OSBPL7: variants seen among roughly 807,000 people sequenced by gnomAD.
OSBPL7 encodes oxysterol-binding protein-related protein 7.
Under a neutral mutation model 115.8 loss-of-function variants are expected in OSBPL7, and 66 were observed. That is an observed-to-expected ratio of 0.57 (90% CI 0.47 to 0.70). OSBPL7 has a LOEUF of 0.70. Among genes scored for constraint, OSBPL7 ranks in the 30% least tolerant of loss-of-function variants. The pLI is 0.00. For synonymous variants in OSBPL7, 441 were observed against 439.2 expected (o/e 1.00, Z -0.05); for missense variants, 902 against 1,125.5 (o/e 0.80, Z 2.84).
At position 47,809,181 on chromosome 17, in the gene OSBPL7, C is replaced by T. The variant is rs759685275; in HGVS notation, c.2065G>A (p.Ala689Thr). 9.9e-6 allele frequency: 16 copies of T among 1,614,036 alleles called. No individual in the cohort carries two copies. Among genetic ancestry groups the T allele is most frequent in the Middle Eastern group, 1.6e-4 (1 of 6,084 alleles). Residue 689 changes from alanine to threonine, a missense_variant, in exon 20 of 23, where the codon GCT (alanine) becomes ACT (threonine). Physicochemically the swap from Ala to Thr is moderately conservative, Grantham distance 58. Around this residue, in one of 3 missense-constraint regions of OSBPL7, gnomAD observed 230 missense variants for 312.7 expected, o/e 0.74. Coordinates refer to ENST00000007414, the MANE Select transcript of OSBPL7 (RefSeq NM_145798.3). Reference protein sequence around the residue: ...WSSNVHEVQGAVLSRSGRVLH... With the variant: ...WSSNVHEVQGTVLSRSGRVLH... ...ACACGGCCACTCCGACTGAGCACAG[C>T]GCCCTGCACCTCGTGGACATTGGAA...
rs142847236 is a variant in OSBPL7, at chr17:47,809,406, G to A, written c.1953C>T (p.Ile651=). The change falls in exon 19 of 23, where the codon ATC becomes ATT. Residue 651 remains isoleucine (I), a synonymous_variant. Transcript: ENST00000007414. ...GGATGAGCACCTCCCCATAGTGCTC[G>A]ATCCAGCGCTGACCACTCAGGACAT... is the stretch of plus-strand genomic sequence containing the variant. The part of the protein sequence containing the change: ...IHNVLSGQRW[I]EHYGEVLIRN... 4.0e-4 allele frequency: 639 copies of A among 1,614,038 alleles called. No homozygotes were observed. The highest frequency in any genetic ancestry group is 5.2e-4 in the Non-Finnish European group (608 of 1,180,010).
At position 47,809,492 on chromosome 17, in the gene OSBPL7, G is replaced by A. The variant is rs368108894; in HGVS notation, c.1881-14C>T. 6.2e-7 allele frequency: 1 copy of A among 1,604,200 alleles called. No homozygotes were observed. Among genetic ancestry groups the A allele is most frequent in the Non-Finnish European group, 8.5e-7 (1 of 1,171,946 alleles). The stretch of plus-strand genomic sequence containing the variant: ...TGGTCCCCAAACCTGAGAAAGACAA[G>A]GTATGGAAGGGCAGCTGGCTGGCCC... On this transcript the variant is annotated splice_polypyrimidine_tract_variant and intron_variant, in intron 18 of 22. Coordinates refer to ENST00000007414, the MANE Select transcript of OSBPL7 (RefSeq NM_145798.3).
In OSBPL7 at chr17:47,809,006, G is replaced by C. The variant is rs777477246; in HGVS notation, c.2171-16C>G. The C allele has an allele frequency of 1.2e-6, 2 of 1,613,958 alleles. No individual in the cohort carries two copies. The highest frequency in any genetic ancestry group is 2.2e-5 in the East Asian group (1 of 44,886). On this transcript the variant is annotated splice_polypyrimidine_tract_variant and intron_variant, in intron 20 of 22. Transcript: ENST00000007414. The stretch of plus-strand genomic sequence containing the variant: ...GGCATTGAGTCTGGGGGAAGGCAAG[G>C]GGCTGGGGCAGGTGCACCATGCCTG...
Position 47,810,815 on chromosome 17 carries a change from G to C in OSBPL7, c.1758C>G (p.Ile586Met). 6.2e-7 allele frequency: 1 copy of C among 1,613,898 alleles called. No homozygotes were observed. Among genetic ancestry groups the C allele is most frequent in the Non-Finnish European group, 8.5e-7 (1 of 1,179,970 alleles). The change falls in exon 17 of 23, where the codon ATC (isoleucine) becomes ATG (methionine). Residue 586 changes from isoleucine (I) to methionine (M), a missense_variant. Transcript: ENST00000007414. ...TCTCAGACTCTGCATGGCAGGCCGA[G>C]ATAGGGGGGTGGTGGGAGACCTTGG... ...ISEQVSHHPP[I>M]SACHAESENF... is the part of the protein sequence containing the mutation.
rs1486380310 is a variant in OSBPL7, at chr17:47,808,839, A to G, written c.2297+25T>C. 1 of 1,613,842 alleles carries G rather than the reference A, an allele frequency of 6.2e-7. No individual in the cohort carries two copies. The highest frequency in any genetic ancestry group is 8.5e-7 in the Non-Finnish European group (1 of 1,179,762). On this transcript the variant is annotated intron_variant, in intron 21 of 22. Transcript: ENST00000007414. This position sits in a 1 kb window ranked among gnomAD's most constrained non-coding sequence, Gnocchi z 6.1. ...TGGAGGGAGTGAACTAGATGGTTCT[A>G]GGCCGGCACCCATCCGGCACTGACC... is the stretch of plus-strand genomic sequence containing the variant.
At chr17:47,818,450 T>A in intron 6 of OSBPL7, 56 bp downstream of exon 6, 1 of 1,591,244 alleles carries the variant, frequency 6.3e-7, no homozygotes, top group Non-Finnish European at 8.6e-7. Flanking sequence ...CAGTTCTCCA[T>A]AGCCCTTGCC....
In OSBPL7 at chr17:47,808,176, C is replaced by T. The variant is rs962300129; in HGVS notation, c.*115G>A. On this transcript the variant is annotated 3_prime_UTR_variant, in exon 23 of 23. Transcript: ENST00000007414. This position sits in a 1 kb window ranked among gnomAD's most constrained non-coding sequence, Gnocchi z 6.1. The stretch of plus-strand genomic sequence containing the variant: ...CAGAGGGGAGGGAGGGCCAGGGCTG[C>T]CCCTTTGGTCTCAAGGGCAGTGAGG... 2 of 771,118 alleles carry T rather than the reference C, an allele frequency of 2.6e-6. No homozygotes were observed. Among genetic ancestry groups the T allele is most frequent in the East Asian group, 5.4e-5 (2 of 37,352 alleles). 47.8% of individuals were successfully genotyped at this position (771,118 alleles called of 1,614,324 possible).
rs1231165466 is a variant in OSBPL7, at chr17:47,816,182, G to A, written c.1044C>T (p.Gly348=). 6.4e-7 allele frequency: 1 copy of A among 1,550,478 alleles called. No individual in the cohort carries two copies. The highest frequency in any genetic ancestry group is 2.4e-5 in the East Asian group (1 of 40,916). ...SRMGVSEAST[G]QRRLHSLSTS... ...TGGACAGTGAGTGGAGGCGCCTCTG[G>A]CCAGTGGAGGCCTCAGAGACCTGCA... is the stretch of plus-strand genomic sequence containing the variant. The change falls in exon 12 of 23, where the codon GGC becomes GGT. Residue 348 remains glycine (G), a synonymous_variant. Coordinates refer to ENST00000007414, the MANE Select transcript of OSBPL7 (RefSeq NM_145798.3). This position sits in a 1 kb window ranked among gnomAD's most constrained non-coding sequence, Gnocchi z 5.8.
chr17:47,813,446 G>A (rs767591628), intron 15 of OSBPL7, 43 bp from the exon 16 acceptor site: 11 of 1,610,184 alleles, frequency 6.8e-6, no homozygotes, highest in Admixed American at 5.0e-5. Context: ...GGACGGGGCC[G>A]CCACCCCAAG....
In OSBPL7 at chr17:47,820,094, G is replaced by T; in HGVS notation, c.78C>A (p.Ala26=). The T allele has an allele frequency of 6.2e-7, 1 of 1,612,740 alleles. No homozygotes were observed. The highest frequency in any genetic ancestry group is 8.5e-7 in the Non-Finnish European group (1 of 1,179,922). ...CCTCCACCACCTCCCACAGCTCAGA[G>T]GCCTGCAGTCCAGGACAGAGGGAGG... ...QSSKPSSAQQ[A]SELWEVVEEP... Residue 26 remains alanine (A), a splice_region_variant and synonymous_variant, in exon 3 of 23, where the codon GCC becomes GCA. Transcript: ENST00000007414.
chr17:47,808,472 C>T lies in OSBPL7; in HGVS notation c.2420+66G>A. 1.2e-6 allele frequency: 2 copies of T among 1,613,918 alleles called. No homozygotes were observed. The highest frequency in any genetic ancestry group is 1.7e-6 in the Non-Finnish European group (2 of 1,179,846). ...GGCTAGGGTCCTAAGGTGCTGCCTC[C>T]CACACCTGCCCTGCTCCAAGCAGGG... On this transcript the variant is annotated intron_variant, in intron 22 of 22. Transcript: ENST00000007414. This position sits in a 1 kb window ranked among gnomAD's most constrained non-coding sequence, Gnocchi z 6.1.
intron 14 of OSBPL7, 110 bp from the exon 15 acceptor site, chr17:47,813,944 C>T (rs1052300676): frequency 3.8e-5 from 52 of 1,376,006 alleles, no homozygotes; most frequent in Middle Eastern, 2.6e-4. Context: ...CTGGGACATT[C>T]GCCCCTGAGC....
chr17:47,819,552 C>T (rs1404267652), intron 4 of OSBPL7, 177 bp downstream of exon 4: 2 of 715,424 alleles, frequency 2.8e-6, no homozygotes, highest in African/African-American at 1.8e-5. Flanking sequence ...TGGTGCTCTC[C>T]CATTAGAGGT....
At chr17:47,821,367 G>A (rs2143569195) in intron 1 of OSBPL7, among the ~76,000 whole-genome samples, 1 of 152,330 alleles carries the variant, frequency 6.6e-6, no homozygotes, top group East Asian at 1.9e-4. Context: ...GGAGGTTGGG[G>A]CAGAGGGACC....
At position 47,819,204 on chromosome 17, in the gene OSBPL7, C is replaced by A. The variant is rs748257255; in HGVS notation, c.256-105G>T. The A allele has an allele frequency of 4.6e-6, 4 of 861,164 alleles. No individual in the cohort carries two copies. In the Admixed American group the frequency reaches 8.4e-5, roughly 18 times the overall value. The allele number at this position is 861,164 out of a possible 1,614,324, so 53.3% of individuals were successfully genotyped here. The stretch of plus-strand genomic sequence containing the variant: ...CATTCTAGGCTCAAGGGCCAGGTGG[C>A]AGGTTCACCCTCATGTCCAAGTCAC... On this transcript the variant is annotated intron_variant, in intron 4 of 22. Transcript: ENST00000007414.
chr17:47,813,404 C>T lies in OSBPL7; in HGVS notation c.1600-1G>A. 1 of 1,613,830 alleles carries T rather than the reference C, an allele frequency of 6.2e-7. No homozygotes were observed. The highest frequency in any genetic ancestry group is 1.1e-5 in the South Asian group (1 of 91,068). ...AGACAGCAAAGGCTGCGATGTACAC[C>T]TGTGGGGGGCAAGGAAGGTGCAGGG... On this transcript the variant is annotated splice_acceptor_variant, in intron 15 of 22. Coordinates refer to ENST00000007414, the MANE Select transcript of OSBPL7 (RefSeq NM_145798.3). LOFTEE classifies it high-confidence loss of function.
At chr17:47,819,921 T>TAC in intron 3 of OSBPL7, 50 bp downstream of exon 3, 14 of 1,343,808 alleles carry the variant, frequency 1.0e-5, no homozygotes, top group Non-Finnish European at 1.4e-5. Context: ...TGCCCCCCAT[T>TAC]CCCACCCCGC....
chr17:47,819,738 G>T lies in OSBPL7; in HGVS notation c.246C>A (p.Thr82=). ...CACTGCCCGGGCTCACGTCTTGCCG[G>T]GTTGTTGCATAATGAAGGATCCCGT... ...LEDGILHYAT[T]RQDITKGKLH... Residue 82 remains threonine (T), a synonymous_variant, in exon 4 of 23, where the codon ACC becomes ACA. Transcript: ENST00000007414. 1.2e-6 allele frequency: 2 copies of T among 1,614,086 alleles called. No individual in the cohort carries two copies. Among genetic ancestry groups the T allele is most frequent in the Non-Finnish European group, 1.7e-6 (2 of 1,180,000 alleles).
At position 47,819,767 on chromosome 17, in the gene OSBPL7, C is replaced by T. The variant is rs763306537; in HGVS notation, c.217G>A (p.Glu73Lys). 9 of 1,614,014 alleles carry T rather than the reference C, an allele frequency of 5.6e-6. No individual in the cohort carries two copies. Among genetic ancestry groups the T allele is most frequent in the Admixed American group, 1.7e-5 (1 of 59,996 alleles). Residue 73 changes from glutamate (E) to lysine (K), a missense_variant, in exon 4 of 23, where the codon GAG becomes AAG. Glu to Lys is a moderately conservative substitution (Grantham distance 56). Transcript: ENST00000007414. ...KGWHKRYFVL[E>K]DGILHYATTR... Reference sequence around the variant, plus strand: ...GTTGCATAATGAAGGATCCCGTCCTCGAGCACAAAGTATCTCTGTGATGTT... The same window carrying T: ...GTTGCATAATGAAGGATCCCGTCCTTGAGCACAAAGTATCTCTGTGATGTT...
Sources: gnomAD v4.1 joint callset for allele counts (sites outside exome capture counted in the v4.1 genomes callset) on GRCh38, gnomAD v4.1.1 for gene constraint, gnomAD v4.1.1 regional missense constraint, Gnocchi (gnomAD v3.1) non-coding constraint, MANE v1.5 for transcripts, NCBI Gene and HGNC (gene_info 2026-07-23, HGNC 2026-07-21) for gene names.